CABYR: variants seen among roughly 807,000 people sequenced by gnomAD.
The protein encoded by CABYR is calcium-binding tyrosine phosphorylation-regulated protein.
Under a neutral mutation model 36.1 loss-of-function variants are expected in CABYR, and 31 were observed. That is an observed-to-expected ratio of 0.86 (90% CI 0.64 to 1.16). CABYR has a LOEUF of 1.16. Ranked by LOEUF, CABYR falls within the 50% of genes most tolerant of loss-of-function variation. CABYR has a pLI of 0.00. For missense variants in CABYR, 429 were observed against 455.8 expected (o/e 0.94, Z 0.53); for synonymous variants, 146 against 160.7 (o/e 0.91, Z 0.69).
At position 24,155,928 on chromosome 18, in the gene CABYR, A is replaced by G; in HGVS notation, c.427A>G (p.Lys143Glu). ...GGAAGCAGTTGGTGGTCTTTCTTCC[A>G]AACCAGCCACCCCTAAGACTACTAC... The part of the protein sequence containing the change: ...QTEAVGGLSS[K>E]PATPKTTTPP... Residue 143 changes from lysine to glutamate, a missense_variant, in exon 4 of 6, where the codon AAA becomes GAA. Physicochemically the swap from Lys to Glu is moderately conservative, Grantham distance 56. Transcript: ENST00000399496. The G allele has an allele frequency of 1.9e-6, 3 of 1,614,182 alleles. No individual in the cohort carries two copies. Among genetic ancestry groups the G allele is most frequent in the Non-Finnish European group, 2.5e-6 (3 of 1,180,044 alleles).
At chr18:24,159,064 T>C (rs973937488) in intron 4 of CABYR, among the ~76,000 whole-genome samples, 2 of 152,184 alleles carry the variant, frequency 1.3e-5, no homozygotes, top group East Asian at 3.8e-4. Context: ...CTTTAGGAAA[T>C]AAACACTATG....
At chr18:24,142,335 T>G (rs755861878) in intron 1 of CABYR, among the ~76,000 whole-genome samples, 97 of 151,248 alleles carry the variant, frequency 6.4e-4, no homozygotes, top group Middle Eastern at 6.9e-3. Context: ...AAAAGCAGCA[T>G]GTCTGAGAAT....
chr18:24,155,652 TA>T (rs2085760946), intron 3 of CABYR, 48 bp from the exon 4 acceptor site: 2 of 1,364,160 alleles, frequency 1.5e-6, no homozygotes, highest in African/African-American at 1.5e-5. Context: ...TTTTCTTCTC[TA>T]AAAATCTTTT....
At chr18:24,160,920 A>AG (rs1490079220) in intron 5 of CABYR, 1 of 152,368 alleles carries the variant, frequency 6.6e-6, no homozygotes, top group Non-Finnish European at 1.5e-5. Flanking sequence ...ACAGCGAAGT[A>AG]GGCCACAGTG....
Position 24,155,799 on chromosome 18 carries a change from GAAAA to G in CABYR, c.300_303del (p.Glu100AspfsTer10). 6.2e-7 allele frequency: 1 copy of G among 1,614,106 alleles called. No homozygotes were observed. Among genetic ancestry groups the G allele is most frequent in the Non-Finnish European group, 8.5e-7 (1 of 1,179,980 alleles). On this transcript the variant is annotated frameshift_variant, in exon 4 of 6. Transcript: ENST00000399496. LOFTEE classifies it high-confidence loss of function. ...AGAATCTAAAGTACCTACCCAGATG[GAAAA>G]ATCTACAGACACAGACGAGGACAAT...
intron 1 of CABYR, 56 bp from the exon 2 acceptor site, chr18:24,143,035 A>G: frequency 7.6e-7 from 1 of 1,321,946 alleles, no homozygotes; most frequent in South Asian, 1.5e-5. Flanking sequence ...AAAAAAAAAA[A>G]AAAAAAACCT....
intron 3 of CABYR, among the ~76,000 whole-genome samples, chr18:24,150,124 G>GGGAGACAGAAATAGACCC (rs1407032165): frequency 1.3e-5 from 2 of 152,274 alleles, no homozygotes; most frequent in African/African-American, 4.8e-5. Flanking sequence ...AATGGGGTGA[G>GGGAGACAGAAATAGACCC]GGAGACAGAA....
Position 24,159,514 on chromosome 18 carries a change from A to C in CABYR, c.584A>C (p.Asn195Thr). 1 of 1,614,080 alleles carries C rather than the reference A, an allele frequency of 6.2e-7. No homozygotes were observed. Among genetic ancestry groups the C allele is most frequent in the Non-Finnish European group, 8.5e-7 (1 of 1,180,008 alleles). Residue 195 changes from asparagine to threonine, a missense_variant, in exon 5 of 6, where the codon AAC (asparagine) becomes ACC (threonine). Transcript: ENST00000399496. ...CGAGGACAACCACCACCATGTTCTA[A>C]CATGTGGACCCTTTATTGTCTAACT... ...SERGQPPPCS[N>T]MWTLYCLTDK...
At chr18:24,155,078 A>AATGCCTTTATTAAT (rs2085742328) in intron 3 of CABYR, among the ~76,000 whole-genome samples, 1 of 152,188 alleles carries the variant, frequency 6.6e-6, no homozygotes, top group South Asian at 2.1e-4. Context: ...TAAATGGAGG[A>AATGCCTTTATTAAT]ATGCCTTTAT....
intron 4 of CABYR, among the ~76,000 whole-genome samples, chr18:24,158,466 G>A (rs2145885798): frequency 6.6e-6 from 1 of 152,008 alleles, no homozygotes; most frequent in African/African-American, 2.4e-5. Flanking sequence ...TTACAGGCAT[G>A]CGCCACCATG....
intron 3 of CABYR, among the ~76,000 whole-genome samples, chr18:24,144,381 A>G (rs79149788): frequency 0.028 from 4,195 of 152,336 alleles, 146 homozygotes; most frequent in African/African-American, 0.087. Context: ...AAAAGGAAGG[A>G]GATCTGCCAA....
intron 4 of CABYR, among the ~76,000 whole-genome samples, chr18:24,158,959 G>A (rs976341633): frequency 6.6e-6 from 1 of 152,144 alleles, no homozygotes; most frequent in African/African-American, 2.4e-5. Context: ...ATTATGTGAC[G>A]TTTTATGTGT....
chr18:24,144,425 C>T (rs971260160), intron 3 of CABYR, among the ~76,000 whole-genome samples: 9 of 152,164 alleles, frequency 5.9e-5, no homozygotes, highest in South Asian at 2.1e-4. Context: ...ACACTTTCCA[C>T]AAAATGGAAA....
At chr18:24,155,485 T>C (rs1453921061) in intron 3 of CABYR, among the ~76,000 whole-genome samples, 1 of 150,254 alleles carries the variant, frequency 6.7e-6, no homozygotes, top group African/African-American at 2.4e-5. Flanking sequence ...CATTATTGCT[T>C]TTTTTTTTGG....
At chr18:24,151,948 C>T (rs1376921911) in intron 3 of CABYR, among the ~76,000 whole-genome samples, 2 of 152,130 alleles carry the variant, frequency 1.3e-5, no homozygotes, top group African/African-American at 4.8e-5. Context: ...CCTCAGCCTC[C>T]CAAAGTGCTG....
chr18:24,149,201 C>T (rs558777225), intron 3 of CABYR, among the ~76,000 whole-genome samples: 25 of 152,112 alleles, frequency 1.6e-4, no homozygotes, highest in African/African-American at 5.3e-4. Context: ...GAGCTAGACA[C>T]AGGGTGCTGA....
In CABYR at chr18:24,159,504, C is replaced by G. The variant is rs2085888819; in HGVS notation, c.574C>G (p.Pro192Ala). 6.2e-7 allele frequency: 1 copy of G among 1,613,970 alleles called. No homozygotes were observed. The highest frequency in any genetic ancestry group is 2.2e-5 in the East Asian group (1 of 44,888). ...AACAAGTGAACGAGGACAACCACCA[C>G]CATGTTCTAACATGTGGACCCTTTA... ...MATSERGQPPPCSNMWTLYCL... is the reference protein window; with the variant it reads ...MATSERGQPPACSNMWTLYCL... Residue 192 changes from proline to alanine, a missense_variant, in exon 5 of 6, where the codon CCA becomes GCA. Transcript: ENST00000399496.
intron 3 of CABYR, among the ~76,000 whole-genome samples, chr18:24,147,251 T>TC (rs2085481760): frequency 6.9e-5 from 1 of 14,508 alleles, no homozygotes; most frequent in East Asian, 1.3e-3. Context: ...AAACCATGTC[T>TC]CAAAAAAAAA....
chr18:24,160,244 A>C (rs1599404064), intron 5 of CABYR, 175 bp downstream of exon 5: 1 of 598,144 alleles, frequency 1.7e-6, no homozygotes, highest in East Asian at 2.8e-5. Context: ...GTTACTAATA[A>C]ATGCACAGCA....
Sources: allele counts gnomAD v4.1 joint callset (sites outside exome capture counted in the v4.1 genomes callset), GRCh38; gene constraint gnomAD v4.1.1; transcripts MANE v1.5; gene names NCBI Gene and HGNC (gene_info 2026-07-23, HGNC 2026-07-21).